RABGAP1L: variants seen among roughly 807,000 people sequenced by gnomAD.
The protein encoded by RABGAP1L is rab GTPase-activating protein 1-like.
Under a neutral mutation model 137.7 loss-of-function variants are expected in RABGAP1L, and 63 were observed. The ratio of observed to expected loss-of-function variants is 0.46; its 90% CI spans 0.37 to 0.56. The LOEUF is 0.56. Among genes scored for constraint, RABGAP1L ranks in the 20% least tolerant of loss-of-function variants. RABGAP1L has a pLI of 0.00. For synonymous variants in RABGAP1L, 431 were observed against 433.7 expected (o/e 0.99, Z 0.08); for missense variants, 1,095 against 1,244.0 (o/e 0.88, Z 1.80).
At chr1:174,877,640 A>G (rs1187581920) in intron 19 of RABGAP1L, 1 of 1,593,072 alleles carries the variant, frequency 6.3e-7, no homozygotes, top group South Asian at 1.1e-5. Flanking sequence ...CTGGTTCTGT[A>G]TTTTCTTTTC....
chr1:174,160,231 C>G (rs1244100111), intron 1 of RABGAP1L, among the ~76,000 whole-genome samples: 2 of 152,028 alleles, frequency 1.3e-5, no homozygotes, highest in African/African-American at 4.8e-5. Context: ...AGGGAATGCC[C>G]CGCTTCAAAG....
At chr1:174,383,397 C>G (rs568271996) in intron 12 of RABGAP1L, among the ~76,000 whole-genome samples, 1 of 151,402 alleles carries the variant, frequency 6.6e-6, no homozygotes, top group Non-Finnish European at 1.5e-5. Context: ...GCCTCACTGC[C>G]GCCTTGCAGT....
chr1:174,993,938 A>ATAGAG lies in RABGAP1L; in HGVS notation c.*3940_*3944dup, dbSNP rs1335451485. 1.3e-5 allele frequency: 2 copies of ATAGAG among 152,240 alleles called. No individual in the cohort carries two copies. The highest frequency in any genetic ancestry group is 4.8e-5 in the African/African-American group (2 of 41,460). The allele number at this position is 152,240 out of a possible 1,614,324, so 9.4% of individuals were successfully genotyped here. On this transcript the variant is annotated 3_prime_UTR_variant, in exon 26 of 26. Transcript: ENST00000681986. ...GTGTGTTTAATTGGAAGAATTTTAT[A>ATAGAG]TAGAGTATCTCTGCTGCTTTTGTTT...
chr1:174,703,376 T>A (rs1393017587), intron 17 of RABGAP1L, among the ~76,000 whole-genome samples: 1 of 152,226 alleles, frequency 6.6e-6, no homozygotes, highest in African/African-American at 2.4e-5. Context: ...CTTAACATAA[T>A]GGCCTCCAGT....
Position 174,195,574 on chromosome 1 carries a change from A to ATTCTTTCTTTCT in RABGAP1L, c.-33-23517_-33-23506dup, listed in dbSNP as rs201213056. ...TAACTTTGGGTAGGGTTCTTAATCA[A>ATTCTTTCTTTCT]TTCTTTCTTTCTTTCTTTCTTTCTT... On this transcript the variant is annotated intron_variant, in intron 1 of 25. Coordinates refer to ENST00000681986, the MANE Select transcript of RABGAP1L (RefSeq NM_001366446.1). Among the ~76,000 whole-genome samples the ATTCTTTCTTTCT allele has an allele frequency of 5.3e-3, 393 of 74,344 alleles. 22 individuals are homozygous for ATTCTTTCTTTCT. The highest frequency in any genetic ancestry group is 0.014 in the Middle Eastern group (2 of 142). The allele number at this position is 74,344 out of a possible 152,430, so 48.8% of individuals were successfully genotyped here.
At chr1:174,621,479 C>G (rs948247963) in intron 13 of RABGAP1L, among the ~76,000 whole-genome samples, 13 of 152,186 alleles carry the variant, frequency 8.5e-5, no homozygotes, top group Non-Finnish European at 1.5e-4. Flanking sequence ...GTAACCAAAA[C>G]AGCATGGTAC....
intron 13 of RABGAP1L, among the ~76,000 whole-genome samples, chr1:174,464,539 T>C (rs1436989669): frequency 6.6e-6 from 1 of 152,196 alleles, no homozygotes; most frequent in African/African-American, 2.4e-5. Context: ...TCTTATTCCT[T>C]ACACTGCTCA....
In RABGAP1L at chr1:174,735,030, A is replaced by G. The variant is rs186741232; in HGVS notation, c.2170-17283A>G. On this transcript the variant is annotated intron_variant, in intron 17 of 25. Transcript: ENST00000681986. ...CAGGCTGGAGTACAGTGGCACAATC[A>G]TAGCTTACTGCCGCCTCAAATTCCT... 4.2e-3 allele frequency among the ~76,000 whole-genome samples: 603 copies of G among 144,812 alleles called. 4 individuals carry two copies. Among genetic ancestry groups the G allele is most frequent in the South Asian group, 3.9e-3 (18 of 4,586 alleles).
chr1:174,959,026 T>C (rs1012118113), intron 20 of RABGAP1L, among the ~76,000 whole-genome samples: 1 of 152,226 alleles, frequency 6.6e-6, no homozygotes, highest in Non-Finnish European at 1.5e-5. Context: ...CTTATGTGGG[T>C]CTTCCCCTCT....
intron 17 of RABGAP1L, among the ~76,000 whole-genome samples, chr1:174,713,933 G>A (rs780999693): frequency 7.2e-5 from 11 of 152,126 alleles, no homozygotes; most frequent in Non-Finnish European, 1.5e-4. Flanking sequence ...AGCATCCAGA[G>A]AGGATTTTGT....
In RABGAP1L at chr1:174,567,731, T is replaced by C. The variant is rs535669342; in HGVS notation, c.1711-69644T>C. Among the ~76,000 whole-genome samples the C allele has an allele frequency of 8.3e-4, 126 of 152,276 alleles. 1 individual carries two copies. In the Middle Eastern group the frequency reaches 0.01, roughly 12 times the overall value. ...AGAGCTTCGTAGTAGAGATCACAAA[T>C]GAGGCAGACCTTAATGCAACTCTGC... is the stretch of plus-strand genomic sequence containing the variant. On this transcript the variant is annotated intron_variant, in intron 13 of 25. Coordinates refer to ENST00000681986, the MANE Select transcript of RABGAP1L (RefSeq NM_001366446.1).
At chr1:174,585,585 G>T (rs181124792) in intron 13 of RABGAP1L, among the ~76,000 whole-genome samples, 2 of 152,190 alleles carry the variant, frequency 1.3e-5, no homozygotes, top group Non-Finnish European at 2.9e-5. Flanking sequence ...CCCATTATGA[G>T]TACTTCAGTG....
At chr1:174,803,574 T>G (rs2148829858) in intron 18 of RABGAP1L, among the ~76,000 whole-genome samples, 1 of 152,062 alleles carries the variant, frequency 6.6e-6, no homozygotes, top group South Asian at 2.1e-4. Context: ...CCATTTAGGA[T>G]AAAAATAGTG....
chr1:174,614,073 G>T (rs962355478), intron 13 of RABGAP1L, among the ~76,000 whole-genome samples: 1 of 152,098 alleles, frequency 6.6e-6, no homozygotes, highest in Non-Finnish European at 1.5e-5. Flanking sequence ...AGTTAATATT[G>T]TTATGTGTGA....
chr1:174,552,234 TG>T (rs1002192266), intron 13 of RABGAP1L, among the ~76,000 whole-genome samples: 2 of 152,132 alleles, frequency 1.3e-5, no homozygotes, highest in African/African-American at 4.8e-5. Context: ...ACTTGTGTGG[TG>T]GGGGTTTTTG....
intron 13 of RABGAP1L, among the ~76,000 whole-genome samples, chr1:174,452,206 A>G (rs1655525207): frequency 6.6e-6 from 1 of 152,204 alleles, no homozygotes; most frequent in Admixed American, 6.5e-5. Context: ...CAGTTTGGCT[A>G]TAAAAGACAG....
intron 19 of RABGAP1L, among the ~76,000 whole-genome samples, chr1:174,939,094 T>A (rs751798143): frequency 4.6e-5 from 7 of 152,240 alleles, no homozygotes; most frequent in African/African-American, 7.2e-5. Context: ...ATGATTCGAT[T>A]TTTTTAAATC....
At chr1:174,465,597 G>C (rs1657207371) in intron 13 of RABGAP1L, among the ~76,000 whole-genome samples, 1 of 152,068 alleles carries the variant, frequency 6.6e-6, no homozygotes, top group Non-Finnish European at 1.5e-5. Flanking sequence ...CATCCAAATA[G>C]AGATAAAAAG....
chr1:174,744,376 C>A (rs1683703288), intron 17 of RABGAP1L, among the ~76,000 whole-genome samples: 1 of 152,152 alleles, frequency 6.6e-6, no homozygotes, highest in Admixed American at 6.5e-5. Flanking sequence ...AATTATCTGT[C>A]ACTTTCACTA....
Sources: gnomAD v4.1 joint callset for allele counts (sites outside exome capture counted in the v4.1 genomes callset) on GRCh38, gnomAD v4.1.1 for gene constraint, MANE v1.5 for transcripts, NCBI Gene and HGNC (gene_info 2026-07-23, HGNC 2026-07-21) for gene names.